HPGDS: variants seen among roughly 807,000 people sequenced by gnomAD.
HPGDS encodes hematopoietic prostaglandin D synthase.
A neutral mutation model predicts 23.1 loss-of-function variants in HPGDS; 26 were observed. That is an observed-to-expected ratio of 1.13 (90% CI 0.83 to 1.56). The LOEUF (loss-of-function observed/expected upper bound fraction) is 1.56. Ranked by LOEUF, HPGDS falls within the 40% of genes most tolerant of loss-of-function variation. The pLI, the probability that HPGDS is intolerant of heterozygous loss-of-function variation, is 0.00. For missense variants in HPGDS, 268 were observed against 236.4 expected, an observed-to-expected ratio of 1.13 and a Z score of -0.88; for synonymous variants, 95 against 77.9, an observed-to-expected ratio of 1.22 and a Z score of -1.16.
intron 2 of HPGDS, among the ~76,000 whole-genome samples, chr4:94,321,875 A>G (rs930557804): frequency 6.6e-6 from 1 of 152,206 alleles, no homozygotes; most frequent in South Asian, 2.1e-4. Context: ...GTTTTTGCCC[A>G]TTCAGTATGA....
At chr4:94,338,205 C>T (rs1031764841) in intron 1 of HPGDS, among the ~76,000 whole-genome samples, 2 of 152,120 alleles carry the variant, frequency 1.3e-5, no homozygotes, top group Admixed American at 1.3e-4. Flanking sequence ...GGGCAGATCA[C>T]TTGAGGTCAG....
rs1560598057 is a variant in HPGDS at position 94,340,315 on chromosome 4, T to TTC, written c.-10+2479_-10+2480insGA. ...TTTCTTTCTTTCTTTCTTTCTCTTT[T>TTC]TTTTTTTTTTTTTTTTTTTTTTTTT... is the stretch of plus-strand genomic sequence containing the variant. On this transcript the variant is annotated intron_variant, in intron 1 of 5. Transcript: ENST00000295256. Among the ~76,000 whole-genome samples, 41 of 10,068 alleles carry TTC rather than the reference T, an allele frequency of 4.1e-3. 1 individual carries two copies. Among genetic ancestry groups the TTC allele is most frequent in the African/African-American group, 6.0e-3 (18 of 3,018 alleles). The allele number at this position is 10,068 out of a possible 152,430, so 6.6% of individuals were successfully genotyped here. A position where few individuals can be genotyped will look rare whatever the true frequency, so the allele number is the denominator to read the frequency against.
chr4:94,340,301 C>CTT lies in HPGDS; in HGVS notation c.-10+2492_-10+2493dup, dbSNP rs763895285. Among the ~76,000 whole-genome samples the CTT allele has an allele frequency of 9.6e-4, 31 of 32,196 alleles. 1 individual carries two copies. The highest frequency in any genetic ancestry group is 2.5e-3 in the African/African-American group (23 of 9,090). 21.1% of individuals were successfully genotyped at this position (32,196 alleles called of 152,430 possible). ...TCTTTCTTTCTTTCTTTCTTTCTTT[C>CTT]TTTCTTTCTCTTTTTTTTTTTTTTT... On this transcript the variant is annotated intron_variant, in intron 1 of 5. Transcript: ENST00000295256.
intron 3 of HPGDS, among the ~76,000 whole-genome samples, chr4:94,316,670 A>G (rs1393865823): frequency 6.6e-6 from 1 of 152,196 alleles, no homozygotes; most frequent in Non-Finnish European, 1.5e-5. Context: ...TCTTCTTCTC[A>G]TGCCATTTTC....
At position 94,331,715 on chromosome 4, in the gene HPGDS, T is replaced by C. The variant is rs570213843; in HGVS notation, c.133+2782A>G. Among the ~76,000 whole-genome samples, 6 of 152,302 alleles carry C rather than the reference T, an allele frequency of 3.9e-5. No individual in the cohort carries two copies. In the South Asian group the frequency reaches 8.3e-4, roughly 21 times the overall value. On this transcript the variant is annotated intron_variant, in intron 2 of 5. Coordinates refer to ENST00000295256, the MANE Select transcript of HPGDS (RefSeq NM_014485.3). ...CTTCCACTGAATCCCACCTTTATTA[T>C]AGCATTGTGTCCTCAAGACATGTCT...
rs947688902 is a variant in HPGDS at position 94,299,276 on chromosome 4, G to T, written c.*204C>A. The T allele has an allele frequency of 1.8e-5, 9 of 496,710 alleles. No homozygotes were observed. The highest frequency in any genetic ancestry group is 2.1e-5 in the Non-Finnish European group (6 of 284,076). 30.8% of individuals were successfully genotyped at this position (496,710 alleles called of 1,614,324 possible). ...ATACTATTTTTCTGTAATTGTAAAT[G>T]ATGAGAAGCTATTCTGAAAGAAAAA... On this transcript the variant is annotated 3_prime_UTR_variant, in exon 6 of 6. Transcript: ENST00000295256.
intron 2 of HPGDS, among the ~76,000 whole-genome samples, chr4:94,326,835 C>A (rs1256754994): frequency 1.3e-5 from 2 of 151,988 alleles, no homozygotes; most frequent in Non-Finnish European, 2.9e-5. Context: ...TCGCTCCTTT[C>A]AGTTTTATGG....
intron 2 of HPGDS, among the ~76,000 whole-genome samples, chr4:94,323,877 A>G (rs1756572475): frequency 6.6e-6 from 1 of 152,140 alleles, no homozygotes; most frequent in African/African-American, 2.4e-5. Context: ...ACAATTTGGC[A>G]TGTTTTTGCA....
At chr4:94,338,222 G>A (rs530441180) in intron 1 of HPGDS, among the ~76,000 whole-genome samples, 1 of 152,120 alleles carries the variant, frequency 6.6e-6, no homozygotes, top group Non-Finnish European at 1.5e-5. Context: ...TCAGGAGTTT[G>A]AGACCAGCCT....
At position 94,298,633 on chromosome 4, in the gene HPGDS, G is replaced by A. The variant is rs1264647315; in HGVS notation, c.*847C>T. 1 of 152,210 alleles carries A rather than the reference G, an allele frequency of 6.6e-6. No individual in the cohort carries two copies. The highest frequency in any genetic ancestry group is 1.5e-5 in the Non-Finnish European group (1 of 68,050). 9.4% of individuals were successfully genotyped at this position (152,210 alleles called of 1,614,324 possible). A position where few individuals can be genotyped will look rare whatever the true frequency, so the allele number is the denominator to read the frequency against. ...CTTTTGTCAGATACATGTTTTACAAGTATTTTCTCCAAGTCTGTGGCTTGT... is the reference window on the plus strand; with the variant it reads ...CTTTTGTCAGATACATGTTTTACAAATATTTTCTCCAAGTCTGTGGCTTGT... On this transcript the variant is annotated 3_prime_UTR_variant, in exon 6 of 6. Transcript: ENST00000295256.
intron 4 of HPGDS, among the ~76,000 whole-genome samples, chr4:94,306,372 G>A (rs1756138230): frequency 2.0e-5 from 3 of 152,038 alleles, no homozygotes; most frequent in Non-Finnish European, 2.9e-5. Context: ...CTAAACCACA[G>A]TAATGAATAT....
chr4:94,328,448 A>AC (rs1469742697), intron 2 of HPGDS, among the ~76,000 whole-genome samples: 1 of 152,238 alleles, frequency 6.6e-6, no homozygotes, highest in African/African-American at 2.4e-5. Flanking sequence ...GATAGCAGAT[A>AC]CCATATTAAT....
intron 3 of HPGDS, among the ~76,000 whole-genome samples, chr4:94,316,961 T>C (rs180742385): frequency 1.3e-5 from 2 of 152,264 alleles, no homozygotes; most frequent in African/African-American, 4.8e-5. Context: ...TCCCTGGTCA[T>C]AAATAATTTC....
At chr4:94,324,094 C>G (rs1008681861) in intron 2 of HPGDS, among the ~76,000 whole-genome samples, 2 of 152,224 alleles carry the variant, frequency 1.3e-5, no homozygotes, top group Non-Finnish European at 2.9e-5. Context: ...GGCCCCCACT[C>G]TCTTCTGGCT....
At chr4:94,312,742 T>C (rs916393502) in intron 3 of HPGDS, among the ~76,000 whole-genome samples, 37 of 152,284 alleles carry the variant, frequency 2.4e-4, no homozygotes, top group African/African-American at 8.4e-4. Context: ...AGTGGGGTGT[T>C]AAAATCTCCC....
chr4:94,322,361 G>T (rs902555178), intron 2 of HPGDS, among the ~76,000 whole-genome samples: 1 of 152,088 alleles, frequency 6.6e-6, no homozygotes, highest in African/African-American at 2.4e-5. Flanking sequence ...TTGTATCTCT[G>T]GTAGAATTCA....
At position 94,302,369 on chromosome 4, in the gene HPGDS, A is replaced by G. The variant is rs1284106244; in HGVS notation, c.337-125T>C. The G allele has an allele frequency of 6.1e-6, 4 of 653,662 alleles. No individual in the cohort carries two copies. The East Asian group carries it at 1.1e-4, about 18-fold the overall frequency. The allele number at this position is 653,662 out of a possible 1,614,324, so 40.5% of individuals were successfully genotyped here. A position where few individuals can be genotyped will look rare whatever the true frequency, so the allele number is the denominator to read the frequency against. ...TTCAAGAAGAAAGAGAAGTAGCTAG[A>G]TTTTTTATTCAAATTTATGACATGG... On this transcript the variant is annotated intron_variant, in intron 4 of 5. Transcript: ENST00000295256.
chr4:94,323,901 G>A (rs1756573183), intron 2 of HPGDS, among the ~76,000 whole-genome samples: 1 of 152,154 alleles, frequency 6.6e-6, no homozygotes, highest in Admixed American at 6.5e-5. Context: ...GCTGGTACCG[G>A]TTGTTTCTTT....
At chr4:94,311,267 G>A (rs1355023214) in intron 3 of HPGDS, among the ~76,000 whole-genome samples, 2 of 151,730 alleles carry the variant, frequency 1.3e-5, no homozygotes, top group South Asian at 2.1e-4. Flanking sequence ...GATATTGGCT[G>A]TGGGTTTGTC....
Sources: allele counts gnomAD v4.1 joint callset (sites outside exome capture counted in the v4.1 genomes callset), GRCh38; gene constraint gnomAD v4.1.1; transcripts MANE v1.5; gene names NCBI Gene and HGNC (gene_info 2026-07-23, HGNC 2026-07-21).